Variants in TTN observed in about 807,000 individuals in gnomAD.
TTN encodes the protein connectin.
In TTN, 1,525 loss-of-function variants were observed where a neutral mutation model predicts 3,223.0. That is an observed-to-expected ratio of 0.47 (90% confidence interval 0.45 to 0.49). TTN has a LOEUF of 0.49. Among genes scored for constraint, TTN ranks in the 20% least tolerant of loss-of-function variants. The pLI is 0.00. For missense variants in TTN, 40,786 were observed against 43,424.0 expected (o/e 0.94, Z 5.40); for synonymous variants, 14,094 against 15,161.0 (o/e 0.93, Z 5.17).
At chr2:178,664,768 G>A (rs1201728129) in intron 166 of TTN, 31 bp from the exon 167 acceptor site, 1 of 1,610,800 alleles carries the variant, frequency 6.2e-7, no homozygotes, top group Non-Finnish European at 8.5e-7. Context: ...TATGTTTAGT[G>A]TTATGCAGAT....
chr2:178,598,025 C>T lies in TTN; in HGVS notation c.57145G>A (p.Val19049Ile), dbSNP rs750251277. 1.5e-5 allele frequency: 24 copies of T among 1,613,128 alleles called. No homozygotes were observed. In the Admixed American group the frequency reaches 4.0e-4, roughly 27 times the overall value. Residue 19049 changes from valine (V) to isoleucine (I), a missense_variant, in exon 293 of 363, where the codon GTT becomes ATT. Coordinates refer to ENST00000589042, the MANE Select transcript of TTN (RefSeq NM_001267550.2). The stretch of plus-strand genomic sequence containing the variant: ...GCTCCTTCCTTTAATCCTGTCACAA[C>T]AAGCTTTGTTCCTCTCACTTCTTTA... The part of the protein sequence containing the change: ...KDKEVRGTKL[V>I]VTGLKEGAFY...
At position 178,738,317 on chromosome 2, in the gene TTN, T is replaced by C; in HGVS notation, c.14136A>G (p.Ala4712=). Residue 4712 remains alanine (A), a synonymous_variant, in exon 49 of 363, where the codon GCA becomes GCG. Coordinates refer to ENST00000589042, the MANE Select transcript of TTN (RefSeq NM_001267550.2). ...AGGTGAATTTGGCTAGGTGGCCCAG[T>C]GCTACTTCCAGGGGTTCGATTTTCC... ...IKRKIEPLEV[A]LGHLAKFTCE... is the part of the protein sequence containing the mutation. The C allele has an allele frequency of 6.2e-7, 1 of 1,613,474 alleles. No homozygotes were observed. Among genetic ancestry groups the C allele is most frequent in the East Asian group, 2.2e-5 (1 of 44,772 alleles).
chr2:178,769,081 T>A (rs2091036367), intron 37 of TTN, 148 bp from the exon 38 acceptor site: 1 of 894,634 alleles, frequency 1.1e-6, no homozygotes, highest in Non-Finnish European at 1.7e-6. Flanking sequence ...ATACCTTCCA[T>A]GTACTATACA....
chr2:178,544,237 C>T lies in TTN; in HGVS notation c.95992G>A (p.Glu31998Lys), dbSNP rs775585263. 1.7e-5 allele frequency: 28 copies of T among 1,613,444 alleles called. No individual in the cohort carries two copies. Among genetic ancestry groups the T allele is most frequent in the East Asian group, 4.5e-5 (2 of 44,878 alleles). Reference sequence around the variant, plus strand: ...ACGGGCTCAATTTCAGCAATTGATTCGCTGTATTCGCTCATACCCTTCACG... The same window carrying T: ...ACGGGCTCAATTTCAGCAATTGATTTGCTGTATTCGCTCATACCCTTCACG... ...VNVKGMSEYS[E>K]SIAEIEPVER... is the part of the protein sequence containing the mutation. The change falls in exon 345 of 363, where the codon GAA becomes AAA. Residue 31998 changes from glutamate to lysine, a missense_variant. By Grantham distance (56) the Glu-to-Lys change is moderately conservative. Transcript: ENST00000589042.
chr2:178,781,067 A>G (rs2092721142), intron 21 of TTN, 54 bp downstream of exon 21: 2 of 1,612,356 alleles, frequency 1.2e-6, no homozygotes, highest in Non-Finnish European at 1.7e-6. Flanking sequence ...CAGCACTGCT[A>G]TCTCCTTGTA....
intron 137 of TTN, 96 bp downstream of exon 137, chr2:178,681,280 T>C: frequency 6.9e-7 from 1 of 1,441,798 alleles, no homozygotes; most frequent in Non-Finnish European, 9.5e-7. Flanking sequence ...AACATCCTAC[T>C]CAGCAAAAAC....
chr2:178,594,503 A>G lies in TTN; in HGVS notation c.57991T>C (p.Phe19331Leu), dbSNP rs1449016899. ...AAGTTGTCATTTGTAACTTTGTGGAACTTCTCAGTCCCAATGAGCCGACTT... is the reference window on the plus strand; with the variant it reads ...AAGTTGTCATTTGTAACTTTGTGGAGCTTCTCAGTCCCAATGAGCCGACTT... ...LESRLIGTEK[F>L]HKVTNDNLLS... The change falls in exon 296 of 363, where the codon TTC (phenylalanine) becomes CTC (leucine). Residue 19331 changes from phenylalanine (F) to leucine (L), a missense_variant. Transcript: ENST00000589042. 4 of 1,613,410 alleles carry G rather than the reference A, an allele frequency of 2.5e-6. No homozygotes were observed. Among genetic ancestry groups the G allele is most frequent in the Non-Finnish European group, 3.4e-6 (4 of 1,179,544 alleles).
In TTN at chr2:178,590,883, G is replaced by A; in HGVS notation, c.60842C>T (p.Thr20281Ile). The A allele has an allele frequency of 1.2e-6, 2 of 1,611,254 alleles. No homozygotes were observed. The highest frequency in any genetic ancestry group is 1.7e-6 in the Non-Finnish European group (2 of 1,177,782). Residue 20281 changes from threonine (T) to isoleucine (I), a missense_variant, in exon 304 of 363, where the codon ACT (threonine) becomes ATT (isoleucine). Transcript: ENST00000589042. ...PPSPPGKPVVTDITENAATVS... is the reference protein window; with the variant it reads ...PPSPPGKPVVIDITENAATVS... ...TGTTGCTGCATTTTCAGTAATGTCAGTAACCACTGGTTTACCAGGAGGAGA... is the reference window on the plus strand; with the variant it reads ...TGTTGCTGCATTTTCAGTAATGTCAATAACCACTGGTTTACCAGGAGGAGA...
At chr2:178,640,746 A>G in intron 220 of TTN, 116 bp from the exon 221 acceptor site, 1 of 759,214 alleles carries the variant, frequency 1.3e-6, no homozygotes, top group Admixed American at 3.2e-5. Flanking sequence ...AAAACCTTAT[A>G]GTTTATCAAG....
At position 178,548,209 on chromosome 2, in the gene TTN, G is replaced by A. The variant is rs774465231; in HGVS notation, c.93417C>T (p.His31139=). 25 of 1,613,714 alleles carry A rather than the reference G, an allele frequency of 1.5e-5. No homozygotes were observed. The highest frequency in any genetic ancestry group is 4.5e-5 in the East Asian group (2 of 44,884). The change falls in exon 339 of 363, where the codon CAC becomes CAT. Residue 31139 remains histidine, a synonymous_variant. Coordinates refer to ENST00000589042, the MANE Select transcript of TTN (RefSeq NM_001267550.2). The surrounding 1 kb of genome is among the most constrained non-coding windows in gnomAD (Gnocchi z 4.3). ...AGCCAGTGATCCGGCTGCCTCCATC[G>A]TGGTCAGGTTTAAGCCAAGCTAAGA... is the stretch of plus-strand genomic sequence containing the variant. ...SAVLAWLKPD[H]DGGSRITGYL...
At position 178,603,980 on chromosome 2, in the gene TTN, A is replaced by G; in HGVS notation, c.54707T>C (p.Leu18236Ser). The G allele has an allele frequency of 1.9e-6, 3 of 1,612,826 alleles. No homozygotes were observed. The African/African-American group carries it at 4.0e-5, about 22-fold the overall frequency. ...LKGVEFNVPRLLEGVKYQFRA... is the reference protein window; with the variant it reads ...LKGVEFNVPRSLEGVKYQFRA... ...GAACTGGTATTTAACGCCTTCAAGC[A>G]AACGAGGAACATTAAATTCCACGCC... is the stretch of plus-strand genomic sequence containing the variant. The change falls in exon 282 of 363, where the codon TTG becomes TCG. Residue 18236 changes from leucine to serine, a missense_variant. Coordinates refer to ENST00000589042, the MANE Select transcript of TTN (RefSeq NM_001267550.2).
In TTN at chr2:178,557,354, C is replaced by A. The variant is rs1190785295; in HGVS notation, c.87908G>T (p.Ser29303Ile). ...RTTHFKVTTISAGLIYEFRVY... is the reference protein window; with the variant it reads ...RTTHFKVTTIIAGLIYEFRVY... The stretch of plus-strand genomic sequence containing the variant: ...CCTGAATTCATAAATAAGTCCAGCA[C>A]TGATTGTTGTGACTTTGAAGTGAGT... The change falls in exon 329 of 363, where the codon AGT (serine) becomes ATT (isoleucine). Residue 29303 changes from serine to isoleucine, a missense_variant. Transcript: ENST00000589042. 5 of 1,613,842 alleles carry A rather than the reference C, an allele frequency of 3.1e-6. No homozygotes were observed. The highest frequency in any genetic ancestry group is 4.2e-6 in the Non-Finnish European group (5 of 1,179,878).
chr2:178,622,384 T>C (rs1487677912), intron 243 of TTN, among the ~76,000 whole-genome samples: 4 of 151,926 alleles, frequency 2.6e-5, no homozygotes, highest in Non-Finnish European at 5.9e-5. Flanking sequence ...GAAATATAAT[T>C]GCTGATATTT....
chr2:178,536,538 A>G lies in TTN; in HGVS notation c.100209T>C (p.Ala33403=). ...PGAPGKPTIT[A]VTKDSCVVAW... The stretch of plus-strand genomic sequence containing the variant: ...CCACAACACAAGAATCTTTTGTGAC[A>G]GCAGTAATAGTTGGTTTGCCAGGAG... Residue 33403 remains alanine (A), a synonymous_variant, in exon 357 of 363, where the codon GCT becomes GCC. Coordinates refer to ENST00000589042, the MANE Select transcript of TTN (RefSeq NM_001267550.2). 1 of 1,518,180 alleles carries G rather than the reference A, an allele frequency of 6.6e-7. No homozygotes were observed. Among genetic ancestry groups the G allele is most frequent in the Non-Finnish European group, 8.8e-7 (1 of 1,137,698 alleles). 94.0% of individuals were successfully genotyped at this position (1,518,180 alleles called of 1,614,324 possible). A position where few individuals can be genotyped will look rare whatever the true frequency, so the allele number is the denominator to read the frequency against.
Position 178,773,242 on chromosome 2 carries a change from G to A in TTN, c.7722C>T (p.Pro2574=). ...GTGCTTCAATTTTATATTTAGAACTGGGCTTGATTTCCTTGTCCTTAAAAT... is the reference window on the plus strand; with the variant it reads ...GTGCTTCAATTTTATATTTAGAACTAGGCTTGATTTCCTTGTCCTTAAAAT... ...LWNFKDKEIK[P]SSKYKIEAHG... is the part of the protein sequence containing the mutation. The change falls in exon 33 of 363, where the codon CCC becomes CCT. Residue 2574 remains proline (P), a synonymous_variant. Coordinates refer to ENST00000589042, the MANE Select transcript of TTN (RefSeq NM_001267550.2). The A allele has an allele frequency of 6.2e-7, 1 of 1,613,730 alleles. No homozygotes were observed.
intron 3 of TTN, among the ~76,000 whole-genome samples, chr2:178,801,723 G>A (rs2094073941): frequency 6.6e-6 from 1 of 152,128 alleles, no homozygotes; most frequent in African/African-American, 2.4e-5. Flanking sequence ...TCTTAAATGG[G>A]TGGTCTGTAG....
chr2:178,802,620 C>T (rs1408783138), intron 2 of TTN, among the ~76,000 whole-genome samples: 2 of 152,200 alleles, frequency 1.3e-5, no homozygotes. Context: ...ATTTCCATCT[C>T]CTGCCTGCCT....
intron 302 of TTN, 23 bp from the exon 303 acceptor site, chr2:178,591,915 T>A: frequency 6.2e-7 from 1 of 1,605,032 alleles, no homozygotes; most frequent in Non-Finnish European, 8.5e-7. Flanking sequence ...GAAGTTATGA[T>A]GAAAAAGTAA....
At position 178,696,357 on chromosome 2, in the gene TTN, A is replaced by C. The variant is rs556171572; in HGVS notation, c.30803-88T>G. 1.3e-5 allele frequency: 14 copies of C among 1,083,876 alleles called. No individual in the cohort carries two copies. In the Admixed American group the frequency reaches 4.6e-4, roughly 35 times the overall value. The allele number at this position is 1,083,876 out of a possible 1,614,324, so 67.1% of individuals were successfully genotyped here. On this transcript the variant is annotated intron_variant, in intron 113 of 362. Coordinates refer to ENST00000589042, the MANE Select transcript of TTN (RefSeq NM_001267550.2). Reference sequence around the variant, plus strand: ...AAAATCTACCTAGTTAAACAACATCAGTATTTCAGATCTATTTTATTGATA... The same window carrying C: ...AAAATCTACCTAGTTAAACAACATCCGTATTTCAGATCTATTTTATTGATA...
Sources: allele counts gnomAD v4.1 joint callset (sites outside exome capture counted in the v4.1 genomes callset), GRCh38; gene constraint gnomAD v4.1.1; non-coding constraint Gnocchi (gnomAD v3.1); transcripts MANE v1.5; gene names NCBI Gene and HGNC (gene_info 2026-07-23, HGNC 2026-07-21).